The following PLEKHM3 variants were observed in gnomAD, a reference collection of about 807,000 sequenced individuals.
PLEKHM3 encodes the protein pleckstrin homology domain-containing family M member 3.
In PLEKHM3, 45 loss-of-function variants were observed where a neutral mutation model predicts 81.8. That is an observed-to-expected ratio of 0.55 (90% CI 0.43 to 0.71). The LOEUF is 0.71. PLEKHM3 is among the 30% of genes least tolerant of loss of function. The pLI, the probability that PLEKHM3 is intolerant of heterozygous loss-of-function variation, is 0.00. For synonymous variants in PLEKHM3, 352 were observed against 356.4 expected, an observed-to-expected ratio of 0.99 and a Z score of 0.14; for missense variants, 788 against 924.3, an observed-to-expected ratio of 0.85 and a Z score of 1.91.
intron 6 of PLEKHM3, among the ~76,000 whole-genome samples, chr2:207,890,042 C>T (rs972433280): frequency 6.6e-6 from 1 of 152,088 alleles, no homozygotes; most frequent in Non-Finnish European, 1.5e-5. Context: ...CAAGCTCAGG[C>T]AATCTGCCCG....
At chr2:208,025,101 G>A (rs1574502002) in intron 1 of PLEKHM3, among the ~76,000 whole-genome samples, 1 of 152,126 alleles carries the variant, frequency 6.6e-6, no homozygotes. Context: ...GGATGGCAGG[G>A]ATACTAATAA....
At chr2:208,020,465 T>C (rs1413928274) in intron 1 of PLEKHM3, among the ~76,000 whole-genome samples, 1 of 152,216 alleles carries the variant, frequency 6.6e-6, no homozygotes, top group African/African-American at 2.4e-5. Context: ...AATAAAACTT[T>C]TACCTTGTCA....
chr2:207,993,242 C>T (rs1328448576), intron 2 of PLEKHM3, among the ~76,000 whole-genome samples: 1 of 152,124 alleles, frequency 6.6e-6, no homozygotes. Context: ...CAAATAGCTG[C>T]CACAGGCCAA....
At chr2:207,915,454 T>C (rs1395719280) in intron 5 of PLEKHM3, among the ~76,000 whole-genome samples, 2 of 151,982 alleles carry the variant, frequency 1.3e-5, no homozygotes, top group African/African-American at 4.8e-5. Context: ...CAAGCCCCAG[T>C]GCTCACGAGA....
chr2:207,882,914 A>T (rs770755277), intron 6 of PLEKHM3, among the ~76,000 whole-genome samples: 1 of 151,820 alleles, frequency 6.6e-6, no homozygotes, highest in Non-Finnish European at 1.5e-5. Context: ...ATGCCCAGCT[A>T]ATTTTTGTAT....
chr2:207,901,446 G>A (rs1688423433), intron 6 of PLEKHM3: 4 of 665,200 alleles, frequency 6.0e-6, no homozygotes, highest in Non-Finnish European at 1.1e-5. Flanking sequence ...CAGGTAGTAA[G>A]GACATCAAGA....
chr2:207,907,228 G>A (rs908487036), intron 6 of PLEKHM3, among the ~76,000 whole-genome samples: 2 of 152,150 alleles, frequency 1.3e-5, no homozygotes, highest in African/African-American at 2.4e-5. Context: ...GTGGCCAGGC[G>A]TGGTAGCTCA....
chr2:207,966,693 C>T (rs949944535), intron 3 of PLEKHM3, among the ~76,000 whole-genome samples: 1 of 152,142 alleles, frequency 6.6e-6, no homozygotes, highest in African/African-American at 2.4e-5. Flanking sequence ...GCTGGGACTA[C>T]AGGTGCCTGC....
At chr2:207,849,596 G>A (rs939350597) in intron 7 of PLEKHM3, among the ~76,000 whole-genome samples, 1 of 152,166 alleles carries the variant, frequency 6.6e-6, no homozygotes, top group African/African-American at 2.4e-5. Flanking sequence ...AACAAAGGAA[G>A]AACACCTCCT....
At position 207,846,736 on chromosome 2, in the gene PLEKHM3, T is replaced by A. The variant is rs573253255; in HGVS notation, c.2108+14369A>T. 1.6e-3 allele frequency among the ~76,000 whole-genome samples: 230 copies of A among 148,208 alleles called. 1 individual carries two copies. Among genetic ancestry groups the A allele is most frequent in the African/African-American group, 5.5e-3 (217 of 39,734 alleles). On this transcript the variant is annotated intron_variant, in intron 7 of 7. Transcript: ENST00000427836. ...AGATCCTGTCTCAAAAAAAAAAAAA[T>A]TTTTTTTTTCTTTAAAAGTACCCAT...
intron 5 of PLEKHM3, among the ~76,000 whole-genome samples, chr2:207,921,238 G>A (rs1035581799): frequency 6.6e-6 from 1 of 151,952 alleles, no homozygotes. Flanking sequence ...TCGCAGAGAC[G>A]GGGTTTCACC....
rs1439480057 is a variant in PLEKHM3 at position 207,976,575 on chromosome 2, A to AT, written c.1546+75dup. 5 of 1,417,348 alleles carry AT rather than the reference A, an allele frequency of 3.5e-6. No homozygotes were observed. The highest frequency in any genetic ancestry group is 4.8e-6 in the Non-Finnish European group (5 of 1,047,070). 87.8% of individuals were successfully genotyped at this position (1,417,348 alleles called of 1,614,324 possible). On this transcript the variant is annotated intron_variant, in intron 3 of 7. Coordinates refer to ENST00000427836, the MANE Select transcript of PLEKHM3 (RefSeq NM_001080475.3). This position sits in a 1 kb window ranked among gnomAD's most constrained non-coding sequence, Gnocchi z 4.1. ...TAGCTGTGACTAGCCTATTAAGGGG[A>AT]TTTTTAAAGTGAATTCCAATTGTGG...
chr2:208,021,022 C>G (rs1693114337), intron 1 of PLEKHM3, among the ~76,000 whole-genome samples: 1 of 152,236 alleles, frequency 6.6e-6, no homozygotes, highest in Non-Finnish European at 1.5e-5. Flanking sequence ...TAAATTAGCA[C>G]CTGTCTATCT....
chr2:208,019,069 A>G (rs1195714195), intron 1 of PLEKHM3, among the ~76,000 whole-genome samples: 1 of 151,758 alleles, frequency 6.6e-6, no homozygotes, highest in Non-Finnish European at 1.5e-5. Context: ...GGAGGTCAAG[A>G]TGGGAGGACT....
chr2:207,837,761 A>ATTTTTTTTTTTTTTTTTT lies in PLEKHM3; in HGVS notation c.2109-9283_2109-9266dup, dbSNP rs1194861994. 9.4e-5 allele frequency among the ~76,000 whole-genome samples: 7 copies of ATTTTTTTTTTTTTTTTTT among 74,738 alleles called. 3 individuals are homozygous for ATTTTTTTTTTTTTTTTTT. The highest frequency in any genetic ancestry group is 9.6e-5 in the Non-Finnish European group (4 of 41,662). 49.0% of individuals were successfully genotyped at this position (74,738 alleles called of 152,430 possible). ...GCCACGGCGCCTGGCCGGTTCTTCCATTTTTTTTTTTTTTTTTTTTTTTTT... is the reference window on the plus strand; with the variant it reads ...GCCACGGCGCCTGGCCGGTTCTTCCATTTTTTTTTTTTTTTTTTTTTTTTTTTTTTTTTTTTTTTTTTT... On this transcript the variant is annotated intron_variant, in intron 7 of 7. Coordinates refer to ENST00000427836, the MANE Select transcript of PLEKHM3 (RefSeq NM_001080475.3).
intron 5 of PLEKHM3, among the ~76,000 whole-genome samples, chr2:207,913,972 C>A (rs764001317): frequency 2.0e-5 from 3 of 151,912 alleles, no homozygotes; most frequent in Non-Finnish European, 4.4e-5. Flanking sequence ...CGTGTGCGTG[C>A]GCACACGCGC....
intron 1 of PLEKHM3, among the ~76,000 whole-genome samples, chr2:208,011,932 G>T (rs1038347710): frequency 5.9e-5 from 9 of 151,660 alleles, no homozygotes; most frequent in Non-Finnish European, 1.3e-4. Flanking sequence ...GAGTAACTGG[G>T]ATTACAGGTG....
intron 3 of PLEKHM3, among the ~76,000 whole-genome samples, chr2:207,973,523 G>A (rs1378997030): frequency 2.0e-5 from 3 of 152,150 alleles, no homozygotes; most frequent in Non-Finnish European, 2.9e-5. Context: ...CGGATCACCT[G>A]AGGTCGGGAG....
intron 6 of PLEKHM3, chr2:207,868,442 G>A (rs1420826650): frequency 2.6e-5 from 4 of 152,118 alleles, no homozygotes; most frequent in Non-Finnish European, 5.9e-5. Flanking sequence ...GGGAAGTAGT[G>A]GGGTAGAGTG....
Sources: allele counts gnomAD v4.1 joint callset (sites outside exome capture counted in the v4.1 genomes callset), GRCh38; gene constraint gnomAD v4.1.1; non-coding constraint Gnocchi (gnomAD v3.1); transcripts MANE v1.5; gene names NCBI Gene and HGNC (gene_info 2026-07-23, HGNC 2026-07-21).